C2CD3: variants seen among roughly 807,000 people sequenced by gnomAD.
The protein encoded by C2CD3 is C2 domain containing 3 centriole elongation regulator, also known as C2 domain-containing protein 3.
C2CD3 carries 148 observed loss-of-function variants against 234.0 expected under a neutral mutation model. The ratio of observed to expected loss-of-function variants is 0.63; its 90% CI spans 0.55 to 0.72. The LOEUF (loss-of-function observed/expected upper bound fraction) is 0.72, where lower values mean the gene tolerates loss of function less well. Among genes scored for constraint, C2CD3 ranks in the 30% least tolerant of loss-of-function variants. The pLI, the probability that C2CD3 is intolerant of heterozygous loss-of-function variation, is 0.00. For missense variants in C2CD3, 2,577 were observed against 2,811.5 expected (o/e 0.92, Z 1.89); for synonymous variants, 1,000 against 1,035.4 (o/e 0.97, Z 0.66).
At chr11:74,159,421 C>G (rs1041546461) in intron 3 of C2CD3, among the ~76,000 whole-genome samples, 1 of 151,892 alleles carries the variant, frequency 6.6e-6, no homozygotes, top group Non-Finnish European at 1.5e-5. Context: ...TGTGACTGAC[C>G]CTAAGACCTT....
chr11:74,120,982 C>A (rs1018265048), intron 8 of C2CD3, among the ~76,000 whole-genome samples: 1 of 150,632 alleles, frequency 6.6e-6, no homozygotes, highest in Non-Finnish European at 1.5e-5. Context: ...CATAGTGAGA[C>A]CCTGTCTCTA....
rs755315191 is a variant in C2CD3 at position 74,161,440 on chromosome 11, T to C, written c.442A>G (p.Thr148Ala). The stretch of plus-strand genomic sequence containing the variant: ...TTCTTAGACGTTGATGAAACAATGG[T>C]AAAAAATCCATTGATTTGATGGGTT... ...SPTHQINGFF[T>A]IVSSTSKKLG... The change falls in exon 3 of 33, where the codon ACC becomes GCC. Residue 148 changes from threonine to alanine, a missense_variant. Coordinates refer to ENST00000334126, the MANE Select transcript of C2CD3 (RefSeq NM_001286577.2). The C allele has an allele frequency of 1.2e-6, 2 of 1,600,238 alleles. No homozygotes were observed. Among genetic ancestry groups the C allele is most frequent in the South Asian group, 2.2e-5 (2 of 89,038 alleles).
intron 24 of C2CD3, among the ~76,000 whole-genome samples, chr11:74,065,614 G>A (rs1177115940): frequency 4.6e-5 from 7 of 152,016 alleles, no homozygotes; most frequent in South Asian, 2.1e-4. Flanking sequence ...ACATGCACAC[G>A]TATGTTTATT....
At chr11:74,145,758 G>A (rs1049564934) in intron 3 of C2CD3, among the ~76,000 whole-genome samples, 3 of 152,012 alleles carry the variant, frequency 2.0e-5, no homozygotes, top group Non-Finnish European at 4.4e-5. Flanking sequence ...TCAATCTTCC[G>A]CATATAGCTA....
chr11:74,113,338 G>A (rs903206256), intron 11 of C2CD3: 1 of 167,104 alleles, frequency 6.0e-6, no homozygotes, highest in Non-Finnish European at 1.3e-5. Flanking sequence ...TTCTTTTAGG[G>A]GGGATGAAAA....
intron 4 of C2CD3, 50 bp from the exon 5 acceptor site, chr11:74,139,017 A>G: frequency 1.3e-6 from 2 of 1,484,860 alleles, no homozygotes; most frequent in Non-Finnish European, 1.8e-6. Context: ...CTATTATGGT[A>G]ACATTCTATT....
intron 5 of C2CD3, among the ~76,000 whole-genome samples, chr11:74,137,496 G>A (rs2135541956): frequency 6.6e-6 from 1 of 150,976 alleles, no homozygotes; most frequent in Non-Finnish European, 1.5e-5. Flanking sequence ...TGTAGTCTTT[G>A]CATTAAAGAC....
chr11:74,138,777 G>C lies in C2CD3; in HGVS notation c.898C>G (p.His300Asp). Residue 300 changes from histidine (H) to aspartate (D), a missense_variant, in exon 5 of 33, where the codon CAC (histidine) becomes GAC (aspartate). His to Asp is a moderately conservative substitution (Grantham distance 81). Coordinates refer to ENST00000334126, the MANE Select transcript of C2CD3 (RefSeq NM_001286577.2). The stretch of plus-strand genomic sequence containing the variant: ...GAAGAAAGAATGCATGAGTCACTGT[G>C]ACTCTTGGCAACTGTTCTAATTTGA... ...QPQIRTVAKS[H>D]SDSCILSSNN... 1 of 1,612,712 alleles carries C rather than the reference G, an allele frequency of 6.2e-7. No homozygotes were observed. The highest frequency in any genetic ancestry group is 8.5e-7 in the Non-Finnish European group (1 of 1,178,696).
At chr11:74,143,198 C>T (rs1356083570) in intron 3 of C2CD3, among the ~76,000 whole-genome samples, 3 of 152,114 alleles carry the variant, frequency 2.0e-5, no homozygotes, top group Non-Finnish European at 2.9e-5. Context: ...CTTCTAGCAA[C>T]GACTCAAGGT....
chr11:74,052,501 G>T (rs1953745339), intron 26 of C2CD3, among the ~76,000 whole-genome samples: 2 of 152,174 alleles, frequency 1.3e-5, no homozygotes, highest in African/African-American at 4.8e-5. Context: ...TAAGACCAAA[G>T]TTTATTCTCT....
chr11:74,137,688 G>A (rs1372404983), intron 5 of C2CD3, among the ~76,000 whole-genome samples: 3 of 151,752 alleles, frequency 2.0e-5, no homozygotes, highest in African/African-American at 2.4e-5. Flanking sequence ...GAGTTCAAGC[G>A]ATTCTCCTGC....
At chr11:74,022,114 A>G (rs1952112504) in intron 32 of C2CD3, among the ~76,000 whole-genome samples, 1 of 151,840 alleles carries the variant, frequency 6.6e-6, no homozygotes, top group South Asian at 2.1e-4. Context: ...CAAGAGTGAG[A>G]TTCCGTCTCG....
At chr11:74,089,928 A>G (rs951980424) in intron 20 of C2CD3, among the ~76,000 whole-genome samples, 5 of 152,222 alleles carry the variant, frequency 3.3e-5, no homozygotes, top group Admixed American at 6.5e-5. Flanking sequence ...TAAGTAGACA[A>G]AAGGAAGAAG....
chr11:74,150,500 AAAAAAAAAAAAAAAAC>A (rs1461506128), intron 3 of C2CD3, among the ~76,000 whole-genome samples: 1 of 106,418 alleles, frequency 9.4e-6, no homozygotes, highest in Non-Finnish European at 1.9e-5. Context: ...CTCAAAAAAA[AAAAAAAAAAAAAAAAC>A]AAAAAAAAAA....
chr11:74,120,995 G>GAA (rs58687006), intron 8 of C2CD3, among the ~76,000 whole-genome samples: 44 of 133,412 alleles, frequency 3.3e-4, no homozygotes, highest in Non-Finnish European at 3.2e-4. Context: ...TGTCTCTACA[G>GAA]AAAAAAAAAA....
At chr11:74,046,708 T>C (rs1423063291) in intron 28 of C2CD3, among the ~76,000 whole-genome samples, 3 of 152,198 alleles carry the variant, frequency 2.0e-5, no homozygotes, top group African/African-American at 7.2e-5. Flanking sequence ...CAGTAATGCA[T>C]TTCTTCTTGT....
chr11:74,071,777 T>C (rs1477467977), intron 24 of C2CD3, among the ~76,000 whole-genome samples: 1 of 152,190 alleles, frequency 6.6e-6, no homozygotes, highest in Non-Finnish European at 1.5e-5. Context: ...GTTGGTGCTT[T>C]TGGATTTGGG....
chr11:74,018,008 A>G (rs1436016113), intron 32 of C2CD3, among the ~76,000 whole-genome samples: 1 of 151,884 alleles, frequency 6.6e-6, no homozygotes, highest in African/African-American at 2.4e-5. Flanking sequence ...AGTGGAAGGG[A>G]CACTGGTCTG....
intron 23 of C2CD3, among the ~76,000 whole-genome samples, chr11:74,075,378 G>T: frequency 6.6e-6 from 1 of 151,934 alleles, no homozygotes; most frequent in South Asian, 2.1e-4. Context: ...GGGGGGGGTG[G>T]GGGGAAGTAG....
Sources: allele counts gnomAD v4.1 joint callset (sites outside exome capture counted in the v4.1 genomes callset), GRCh38; gene constraint gnomAD v4.1.1; transcripts MANE v1.5; gene names NCBI Gene and HGNC (gene_info 2026-07-23, HGNC 2026-07-21).